The following SHOX2 variants were observed in gnomAD, a reference collection of about 807,000 sequenced individuals.
The protein encoded by SHOX2 is short stature homeobox protein 2.
Under a neutral mutation model 31.3 loss-of-function variants are expected in SHOX2, and 13 were observed. That is an observed-to-expected ratio of 0.42 (90% CI 0.27 to 0.66). SHOX2 has a LOEUF of 0.66. SHOX2 is among the 30% of genes least tolerant of loss of function. SHOX2 has a pLI of 0.27. For missense variants in SHOX2, 473 were observed against 443.0 expected, an observed-to-expected ratio of 1.07 and a Z score of -0.61; for synonymous variants, 244 against 196.2, an observed-to-expected ratio of 1.24 and a Z score of -2.04.
Position 158,097,959 on chromosome 3 carries a change from A to T in SHOX2, c.*68T>A. The T allele has an allele frequency of 6.5e-7, 1 of 1,530,994 alleles. No homozygotes were observed. Among genetic ancestry groups the T allele is most frequent in the Non-Finnish European group, 8.8e-7 (1 of 1,139,444 alleles). The allele number at this position is 1,530,994 out of a possible 1,614,324, so 94.8% of individuals were successfully genotyped here. On this transcript the variant is annotated 3_prime_UTR_variant, in exon 5 of 5. Transcript: ENST00000483851. ...GGTCTCAAAGGGGTAACGGAGAAGC[A>T]GCGGGGCGCGGAGGGCGTGCAGGCT...
chr3:158,096,924 A>ATATATATATATATATATC lies in SHOX2; in HGVS notation c.*1102_*1103insGATATATATATATATATA, dbSNP rs1466365906. On this transcript the variant is annotated 3_prime_UTR_variant, in exon 5 of 5. Coordinates refer to ENST00000483851, the MANE Select transcript of SHOX2 (RefSeq NM_001163678.2). The stretch of plus-strand genomic sequence containing the variant: ...TATATATATATATATATATATATAT[A>ATATATATATATATATATC]TATATATGGCAAATATATGATATAT... 2.4e-5 allele frequency: 3 copies of ATATATATATATATATATC among 126,232 alleles called. No individual in the cohort carries two copies. In the East Asian group the frequency reaches 7.6e-4, roughly 32 times the overall value. 7.8% of individuals were successfully genotyped at this position (126,232 alleles called of 1,614,324 possible). A position where few individuals can be genotyped will look rare whatever the true frequency, so the allele number is the denominator to read the frequency against.
At chr3:158,102,284 C>CA (rs953586682) in intron 2 of SHOX2, among the ~76,000 whole-genome samples, 3 of 152,134 alleles carry the variant, frequency 2.0e-5, no homozygotes, top group Non-Finnish European at 4.4e-5. Context: ...CTCCAGAGAA[C>CA]AAAATACTCT....
At chr3:158,099,563 CA>C (rs1713356098) in intron 4 of SHOX2, among the ~76,000 whole-genome samples, 1 of 152,190 alleles carries the variant, frequency 6.6e-6, no homozygotes, top group Non-Finnish European at 1.5e-5. Flanking sequence ...AAATCTTAAT[CA>C]AAAGGCTTTT....
intron 1 of SHOX2, chr3:158,103,310 G>C (rs1662553932): frequency 4.1e-6 from 1 of 244,192 alleles, no homozygotes; most frequent in African/African-American, 2.3e-5. Flanking sequence ...TGGACATAAG[G>C]GCGCGGCAAG....
In SHOX2 at chr3:158,105,854, C is replaced by G. The variant is rs1329031541; in HGVS notation, c.171G>C (p.Arg57=). The change falls in exon 1 of 5, where the codon CGG becomes CGC. Residue 57 remains arginine, a synonymous_variant. Transcript: ENST00000483851. ...GRDDRSSPAV[R]AAGGGGGGGG... Reference sequence around the variant, plus strand: ...CTCCGCCGCCGCCTCCGCCGGCCGCCCGGACTGCCGGGCTGCTGCGGTCGT... The same window carrying G: ...CTCCGCCGCCGCCTCCGCCGGCCGCGCGGACTGCCGGGCTGCTGCGGTCGT... 5 of 1,442,894 alleles carry G rather than the reference C, an allele frequency of 3.5e-6. No individual in the cohort carries two copies. The highest frequency in any genetic ancestry group is 4.5e-6 in the Non-Finnish European group (5 of 1,103,454). The allele number at this position is 1,442,894 out of a possible 1,614,324, so 89.4% of individuals were successfully genotyped here.
At position 158,102,904 on chromosome 3, in the gene SHOX2, G is replaced by C. The variant is rs757863312; in HGVS notation, c.347-18C>G. 1 of 1,611,440 alleles carries C rather than the reference G, an allele frequency of 6.2e-7. No homozygotes were observed. Among genetic ancestry groups the C allele is most frequent in the Admixed American group, 1.7e-5 (1 of 60,002 alleles). On this transcript the variant is annotated intron_variant, in intron 1 of 4. Coordinates refer to ENST00000483851, the MANE Select transcript of SHOX2 (RefSeq NM_001163678.2). ...CGGGGACACTGGAGGGGGCACCCCA[G>C]CGGGGCCACACGTGCATCCACACGA... is the stretch of plus-strand genomic sequence containing the variant.
At chr3:158,105,518 A>C in intron 1 of SHOX2, among the ~76,000 whole-genome samples, 161 bp downstream of exon 1, 1 of 143,466 alleles carries the variant, frequency 7.0e-6, no homozygotes, top group Non-Finnish European at 1.5e-5. Context: ...ATACCACCGG[A>C]CCCCCACCCT....
chr3:158,102,239 T>C (rs1713535703), intron 2 of SHOX2, among the ~76,000 whole-genome samples: 1 of 152,236 alleles, frequency 6.6e-6, no homozygotes, highest in African/African-American at 2.4e-5. Flanking sequence ...TTGACAAACC[T>C]AGACCCTGCA....
rs139539264 is a variant in SHOX2 at position 158,099,275 on chromosome 3, G to A, written c.702+585C>T. ...TTGCTGCAGGCTGTCCTTTTAAAAT[G>A]TACTCTTAAAGGTTTCTTTATGGCT... is the stretch of plus-strand genomic sequence containing the variant. On this transcript the variant is annotated intron_variant, in intron 4 of 4. Transcript: ENST00000483851. Among the ~76,000 whole-genome samples, 453 of 152,350 alleles carry A rather than the reference G, an allele frequency of 3.0e-3. 5 individuals are homozygous for A. The highest frequency in any genetic ancestry group is 0.011 in the African/African-American group (437 of 41,572).
At chr3:158,102,276 C>G (rs1713538405) in intron 2 of SHOX2, among the ~76,000 whole-genome samples, 1 of 152,142 alleles carries the variant, frequency 6.6e-6, no homozygotes, top group South Asian at 2.1e-4. Context: ...AAATCCAACT[C>G]CAGAGAACAA....
rs781556782 is a variant in SHOX2, at chr3:158,105,986, G to C, written c.39C>G (p.Asp13Glu). 6.2e-7 allele frequency: 1 copy of C among 1,613,158 alleles called. No individual in the cohort carries two copies. The highest frequency in any genetic ancestry group is 8.5e-7 in the Non-Finnish European group (1 of 1,179,816). ...ELTAFVSKSF[D>E]QKVKEKKEAI... ...CCTCCTTCTTCTCCTTCACTTTCTG[G>C]TCAAAAGACTTGGAGACGAACGCCG... The change falls in exon 1 of 5, where the codon GAC becomes GAG. Residue 13 changes from aspartate to glutamate, a missense_variant. Asp to Glu is a conservative substitution (Grantham distance 45). Transcript: ENST00000483851.
intron 4 of SHOX2, among the ~76,000 whole-genome samples, chr3:158,098,662 A>AC (rs1210846797): frequency 6.6e-6 from 1 of 152,150 alleles, no homozygotes; most frequent in East Asian, 1.9e-4. Flanking sequence ...TGCATCTCTT[A>AC]CCCCACTACC....
At chr3:158,105,023 T>TTC in intron 1 of SHOX2, 1 of 204,906 alleles carries the variant, frequency 4.9e-6, no homozygotes, top group African/African-American at 9.7e-5. Flanking sequence ...GATCCCCACC[T>TTC]CCCCCGCCGC....
rs1158097144 is a variant in SHOX2, at chr3:158,105,794, ACCTCCTCCG to A, written c.222_230del (p.Gly75_Gly77del). ...CTCCGCCTGCTCCTCCTCCTCCTAC[ACCTCCTCCG>A]CCTCCTCCGCCGCCGCCTCCGCCTC... On this transcript the variant is annotated inframe_deletion, in exon 1 of 5. Transcript: ENST00000483851. The A allele has an allele frequency of 6.2e-6, 9 of 1,441,934 alleles. No homozygotes were observed. The highest frequency in any genetic ancestry group is 4.8e-5 in the African/African-American group (3 of 61,992). The allele number at this position is 1,441,934 out of a possible 1,614,324, so 89.3% of individuals were successfully genotyped here. A position where few individuals can be genotyped will look rare whatever the true frequency, so the allele number is the denominator to read the frequency against.
chr3:158,105,046 C>G (rs1469833368), intron 1 of SHOX2: 2 of 531,232 alleles, frequency 3.8e-6, no homozygotes, highest in Non-Finnish European at 7.1e-6. Context: ...CCCCCCCCCG[C>G]CCCCAACACA....
At chr3:158,105,614 C>T in intron 1 of SHOX2, 65 bp downstream of exon 1, 4 of 1,440,476 alleles carry the variant, frequency 2.8e-6, no homozygotes, top group East Asian at 2.8e-5. Flanking sequence ...GGAGTCCTCT[C>T]CCGCCCGAGA....
chr3:158,105,960 G>C lies in SHOX2; in HGVS notation c.65C>G (p.Ala22Gly), dbSNP rs766943599. The C allele has an allele frequency of 1.9e-6, 3 of 1,612,644 alleles. No individual in the cohort carries two copies. The East Asian group carries it at 6.7e-5, about 36-fold the overall frequency. Residue 22 changes from alanine (A) to glycine (G), a missense_variant, in exon 1 of 5, where the codon GCG becomes GGG. Physicochemically the swap from Ala to Gly is moderately conservative, Grantham distance 60. This residue lies in a region of SHOX2 where 276 missense variants were observed against 230.0 expected (regional missense o/e 1.20). Coordinates refer to ENST00000483851, the MANE Select transcript of SHOX2 (RefSeq NM_001163678.2). ...CTCCAGCACCTCCCGGTACGTGATC[G>C]CCTCCTTCTTCTCCTTCACTTTCTG... ...FDQKVKEKKE[A>G]ITYREVLESG...
intron 2 of SHOX2, among the ~76,000 whole-genome samples, chr3:158,101,205 T>C (rs1454999443): frequency 1.3e-5 from 2 of 152,238 alleles, no homozygotes; most frequent in Non-Finnish European, 2.9e-5. Flanking sequence ...TTAAAGTTTT[T>C]AAAACCCCAT....
intron 4 of SHOX2, among the ~76,000 whole-genome samples, chr3:158,098,578 T>A (rs781297977): frequency 2.0e-5 from 3 of 152,180 alleles, no homozygotes; most frequent in Non-Finnish European, 4.4e-5. Flanking sequence ...CCGTCTCCCC[T>A]GGGAACTGGG....
Sources: gnomAD v4.1 joint callset for allele counts (sites outside exome capture counted in the v4.1 genomes callset) on GRCh38, gnomAD v4.1.1 for gene constraint, gnomAD v4.1.1 regional missense constraint, MANE v1.5 for transcripts, NCBI Gene and HGNC (gene_info 2026-07-23, HGNC 2026-07-21) for gene names.